The following NARS1 variants were observed in gnomAD, a reference collection of about 807,000 sequenced individuals.
The protein encoded by NARS1 is asparagine--tRNA ligase, cytoplasmic.
In NARS1, 65 loss-of-function variants were observed where a neutral mutation model predicts 79.2. That is an observed-to-expected ratio of 0.82 (90% confidence interval 0.67 to 1.01). The LOEUF (loss-of-function observed/expected upper bound fraction) is 1.01, where lower values mean the gene tolerates loss of function less well. Ranked by LOEUF, NARS1 falls within the 50% of genes least tolerant of loss-of-function variation. The pLI, the probability that NARS1 is intolerant of heterozygous loss-of-function variation, is 0.00. For synonymous variants in NARS1, 229 were observed against 238.8 expected, an observed-to-expected ratio of 0.96 and a Z score of 0.38; for missense variants, 649 against 673.8, an observed-to-expected ratio of 0.96 and a Z score of 0.41.
At position 57,602,885 on chromosome 18, in the gene NARS1, A is replaced by G; in HGVS notation, c.1310T>C (p.Leu437Pro). ...MTDTINEPIL[L>P]CRFPVEIKSF... The stretch of plus-strand genomic sequence containing the variant: ...CTTGATCTCCACAGGAAATCGACAC[A>G]GCAAGATTGGTTCATTAATGGTGTC... The change falls in exon 12 of 14, where the codon CTG becomes CCG. Residue 437 changes from leucine to proline, a missense_variant. By Grantham distance (98) the Leu-to-Pro change is moderately conservative. Transcript: ENST00000256854. 3.1e-6 allele frequency: 5 copies of G among 1,614,146 alleles called. No homozygotes were observed. Among genetic ancestry groups the G allele is most frequent in the Non-Finnish European group, 4.2e-6 (5 of 1,179,980 alleles).
chr18:57,621,021 T>C (rs1908277414), intron 1 of NARS1, among the ~76,000 whole-genome samples: 1 of 152,212 alleles, frequency 6.6e-6, no homozygotes. Context: ...TTTCTGAGCT[T>C]ATTTCTTTAC....
chr18:57,615,447 A>G (rs1209005519), intron 4 of NARS1, among the ~76,000 whole-genome samples, 194 bp downstream of exon 4: 1 of 152,148 alleles, frequency 6.6e-6, no homozygotes, highest in Non-Finnish European at 1.5e-5. Flanking sequence ...GCTTGCAGTG[A>G]GCTGAGATTG....
chr18:57,621,470 C>G (rs1422073499), intron 1 of NARS1, among the ~76,000 whole-genome samples: 2 of 152,190 alleles, frequency 1.3e-5, no homozygotes, highest in Admixed American at 6.5e-5. Context: ...GGGAAGGGCC[C>G]GGAGCCACCG....
chr18:57,621,814 G>C lies in NARS1; in HGVS notation c.-97C>G, dbSNP rs1471080653. On this transcript the variant is annotated 5_prime_UTR_variant, in exon 1 of 14. Coordinates refer to ENST00000256854, the MANE Select transcript of NARS1 (RefSeq NM_004539.4). ...CACCGGCGGTTTCCGCGATTCCGGC[G>C]TTGCATCAGAGAGCGTAGATCTGAG... 1.9e-6 allele frequency: 3 copies of C among 1,594,570 alleles called. No homozygotes were observed. In the African/African-American group the frequency reaches 4.0e-5, roughly 22 times the overall value.
Position 57,607,592 on chromosome 18 carries a change from T to C in NARS1, c.653A>G (p.Asn218Ser), listed in dbSNP as rs200140879. Reference sequence around the variant, plus strand: ...AACGTCAGACTCCTCATTGATCAGGTTGTCAGCTCCTCCAGCAGGGGCCAA... The same window carrying C: ...AACGTCAGACTCCTCATTGATCAGGCTGTCAGCTCCTCCAGCAGGGGCCAA... ...IGLAPAGGAD[N>S]LINEESDVDV... The change falls in exon 8 of 14, where the codon AAC (asparagine) becomes AGC (serine). Residue 218 changes from asparagine (N) to serine (S), a missense_variant. Physicochemically the swap from Asn to Ser is conservative, Grantham distance 46. Transcript: ENST00000256854. 2.6e-4 allele frequency: 427 copies of C among 1,613,996 alleles called. 1 individual carries two copies. Among genetic ancestry groups the C allele is most frequent in the Non-Finnish European group, 1.6e-4 (190 of 1,180,026 alleles).
At position 57,605,857 on chromosome 18, in the gene NARS1, T is replaced by C; in HGVS notation, c.1251A>G (p.Glu417=). The C allele has an allele frequency of 6.3e-7, 1 of 1,586,066 alleles. No homozygotes were observed. Residue 417 remains glutamate, a splice_region_variant and synonymous_variant, in exon 11 of 14, where the codon GAA becomes GAG. Transcript: ENST00000256854. ...AACAATGAGAGAAAGGGATACATAC[T>C]TCTCCAAATTCATAGAAAGTTCCAT... ...KEDGTFYEFG[E]DIPEAPERLM...
At chr18:57,615,580 C>T in intron 4 of NARS1, 61 bp downstream of exon 4, 1 of 1,152,978 alleles carries the variant, frequency 8.7e-7, no homozygotes, top group South Asian at 1.3e-5. Context: ...GCCCCTCATA[C>T]ACAGAAATAA....
intron 2 of NARS1, among the ~76,000 whole-genome samples, chr18:57,618,906 A>T (rs1908174008): frequency 6.6e-6 from 1 of 152,158 alleles, no homozygotes; most frequent in Non-Finnish European, 1.5e-5. Flanking sequence ...TGTCTCAGAA[A>T]AATAAATAAA....
At chr18:57,613,774 A>C in intron 4 of NARS1, 94 bp from the exon 5 acceptor site, 3 of 1,028,178 alleles carry the variant, frequency 2.9e-6, no homozygotes, top group Non-Finnish European at 4.4e-6. Flanking sequence ...TAAGTGTTAA[A>C]AATCACAAAT....
intron 4 of NARS1, 90 bp downstream of exon 4, chr18:57,615,551 G>C (rs1415501590): frequency 2.4e-6 from 2 of 835,834 alleles, no homozygotes; most frequent in African/African-American, 3.4e-5. Context: ...AAAATGTAAA[G>C]GAACAAACCA....
chr18:57,612,417 T>C (rs1000631055), intron 5 of NARS1, among the ~76,000 whole-genome samples: 12 of 152,132 alleles, frequency 7.9e-5, no homozygotes, highest in Non-Finnish European at 1.6e-4. Context: ...AAACATTTCA[T>C]TTGTATTTTT....
intron 10 of NARS1, among the ~76,000 whole-genome samples, 181 bp from the exon 11 acceptor site, chr18:57,606,151 C>G (rs553297803): frequency 1.3e-5 from 2 of 151,796 alleles, no homozygotes; most frequent in East Asian, 3.9e-4. Context: ...GAGTTTGGGA[C>G]CAGCCTGGCC....
chr18:57,605,134 A>AAAAT (rs536569272), intron 11 of NARS1, among the ~76,000 whole-genome samples: 1,358 of 135,110 alleles, frequency 0.01, 33 homozygotes, highest in African/African-American at 0.036. Flanking sequence ...AAAAAAAAAA[A>AAAAT]ATATATATAT....
Position 57,602,955 on chromosome 18 carries a change from C to A in NARS1, c.1252-12G>T. 6.2e-7 allele frequency: 1 copy of A among 1,613,720 alleles called. No individual in the cohort carries two copies. Among genetic ancestry groups the A allele is most frequent in the South Asian group, 1.1e-5 (1 of 91,030 alleles). ...GCTTCTGGGATATCCTGAGGTCAAA[C>A]AAGACTTCATTAACATTTACAACTT... On this transcript the variant is annotated splice_polypyrimidine_tract_variant and intron_variant, in intron 11 of 13. Coordinates refer to ENST00000256854, the MANE Select transcript of NARS1 (RefSeq NM_004539.4).
chr18:57,615,879 T>G lies in NARS1; in HGVS notation c.190A>C (p.Lys64Gln). The G allele has an allele frequency of 3.7e-6, 6 of 1,613,442 alleles. No homozygotes were observed. Among genetic ancestry groups the G allele is most frequent in the Non-Finnish European group, 5.1e-6 (6 of 1,179,750 alleles). Residue 64 changes from lysine to glutamine, a missense_variant, in exon 3 of 14, where the codon AAG becomes CAG. Lys to Gln is a moderately conservative substitution (Grantham distance 53, BLOSUM62 1). Coordinates refer to ENST00000256854, the MANE Select transcript of NARS1 (RefSeq NM_004539.4). Reference sequence around the variant, plus strand: ...CTATGCCACATCTTTTTAATGTTCTTCAACTGTGATTTAGAAATAACATTC... The same window carrying G: ...CTATGCCACATCTTTTTAATGTTCTGCAACTGTGATTTAGAAATAACATTC... ...RWNVISKSQL[K>Q]NIKKMWHREQ... is the part of the protein sequence containing the mutation.
intron 2 of NARS1, 42 bp from the exon 3 acceptor site, chr18:57,616,017 A>G: frequency 6.7e-7 from 1 of 1,497,132 alleles, no homozygotes; most frequent in Non-Finnish European, 9.0e-7. Context: ...TGAACATTGT[A>G]CAATACTTAA....
Position 57,601,438 on chromosome 18 carries a change from G to A in NARS1, c.*214C>T, listed in dbSNP as rs904851771. 20 of 411,184 alleles carry A rather than the reference G, an allele frequency of 4.9e-5. No homozygotes were observed. Among genetic ancestry groups the A allele is most frequent in the South Asian group, 2.9e-4 (5 of 17,502 alleles). The allele number at this position is 411,184 out of a possible 1,614,324, so 25.5% of individuals were successfully genotyped here. Reference sequence around the variant, plus strand: ...GTATTTTCCCCGAACTTTGTTTCCCGAACTTAAGAAAAAAATGGATATTTT... The same window carrying A: ...GTATTTTCCCCGAACTTTGTTTCCCAAACTTAAGAAAAAAATGGATATTTT... On this transcript the variant is annotated 3_prime_UTR_variant, in exon 14 of 14. Coordinates refer to ENST00000256854, the MANE Select transcript of NARS1 (RefSeq NM_004539.4).
rs1232030992 is a variant in NARS1 at position 57,613,658 on chromosome 18, C to A, written c.365G>T (p.Gly122Val). 1 of 1,614,112 alleles carries A rather than the reference C, an allele frequency of 6.2e-7. No individual in the cohort carries two copies. Residue 122 changes from glycine to valine, a missense_variant, in exon 5 of 14, where the codon GGA becomes GTA. Physicochemically the swap from Gly to Val is moderately radical, Grantham distance 109. Transcript: ENST00000256854. The part of the protein sequence containing the change: ...PKCVKIGALE[G>V]YRGQRVKVFG... ...CACCTTTACTCTTTGGCCTCTATAT[C>A]CTTCTAACGCACCAATCTTCACCTG... is the stretch of plus-strand genomic sequence containing the variant.
chr18:57,613,967 C>A (rs775808552), intron 4 of NARS1, among the ~76,000 whole-genome samples: 2 of 152,156 alleles, frequency 1.3e-5, no homozygotes, highest in African/African-American at 4.8e-5. Context: ...TAAATGAATT[C>A]CTTTGTCATA....
Sources: allele counts gnomAD v4.1 joint callset (sites outside exome capture counted in the v4.1 genomes callset), GRCh38; gene constraint gnomAD v4.1.1; transcripts MANE v1.5; gene names NCBI Gene and HGNC (gene_info 2026-07-23, HGNC 2026-07-21).